ANKFN1: variants seen among roughly 807,000 people sequenced by gnomAD.
The protein encoded by ANKFN1 is ankyrin repeat and fibronectin type-III domain-containing protein 1.
ANKFN1 carries 74 observed loss-of-function variants against 108.7 expected under a neutral mutation model. The observed-to-expected ratio is 0.68, with a 90% confidence interval of 0.56 to 0.83. The LOEUF is 0.83. Among genes scored for constraint, ANKFN1 ranks in the 40% least tolerant of loss-of-function variants. ANKFN1 has a pLI of 0.00. For missense variants in ANKFN1, 1,505 were observed against 1,382.3 expected (o/e 1.09, Z -1.41); for synonymous variants, 547 against 516.2 (o/e 1.06, Z -0.81).
At chr17:56,128,659 C>A (rs904546918) in intron 4 of ANKFN1, among the ~76,000 whole-genome samples, 1 of 152,144 alleles carries the variant, frequency 6.6e-6, no homozygotes, top group African/African-American at 2.4e-5. Flanking sequence ...TGCACTGGGG[C>A]AGTATTTCCC....
chr17:56,482,740 A>C (rs1419410325), intron 18 of ANKFN1: 3 of 428,564 alleles, frequency 7.0e-6, no homozygotes, highest in Non-Finnish European at 1.2e-5. Flanking sequence ...CAAAGGCCCA[A>C]TGGAGAAGAA....
At chr17:56,050,795 C>T (rs544395550) in intron 4 of ANKFN1, among the ~76,000 whole-genome samples, 49 of 152,032 alleles carry the variant, frequency 3.2e-4, no homozygotes, top group African/African-American at 9.4e-4. Flanking sequence ...AACACCTCTA[C>T]GCAAATAAAC....
intron 4 of ANKFN1, among the ~76,000 whole-genome samples, chr17:56,088,030 TGA>T: frequency 6.6e-6 from 1 of 151,384 alleles, no homozygotes; most frequent in Middle Eastern, 3.5e-3. Flanking sequence ...GGCATAGGCA[TGA>T]GAGGTTTTAT....
chr17:56,150,046 A>G (rs1219229281), upstream of ANKFN1, among the ~76,000 whole-genome samples: 2 of 152,054 alleles, frequency 1.3e-5, no homozygotes, highest in African/African-American at 4.8e-5. Context: ...GACATTTTTT[A>G]TGACTCTCTG....
At chr17:56,447,202 G>A (rs915619801) in intron 10 of ANKFN1, among the ~76,000 whole-genome samples, 36 of 152,286 alleles carry the variant, frequency 2.4e-4, no homozygotes, top group African/African-American at 7.9e-4. Context: ...CAGCGTGGGT[G>A]ACAGAGCAAG....
At chr17:56,141,923 CTTTTTTT>C (rs34394014) in intron 4 of ANKFN1, among the ~76,000 whole-genome samples, 1 of 95,654 alleles carries the variant, frequency 1.0e-5, no homozygotes, top group African/African-American at 4.7e-5. Context: ...CGATGGTGTA[CTTTTTTT>C]TTTTTTTTTT....
chr17:56,141,365 G>A (rs1258895881), intron 4 of ANKFN1, among the ~76,000 whole-genome samples: 2 of 152,160 alleles, frequency 1.3e-5, no homozygotes, highest in Non-Finnish European at 2.9e-5. Flanking sequence ...GATTGGGGCA[G>A]CTGGCGATTT....
intron 6 of ANKFN1, among the ~76,000 whole-genome samples, chr17:56,361,168 CT>C (rs1403902320): frequency 6.6e-6 from 1 of 151,670 alleles, no homozygotes; most frequent in East Asian, 1.9e-4. Context: ...TCTTTTTTTT[CT>C]TTTTAAAAAA....
Position 56,511,231 on chromosome 17 carries a change from G to A in ANKFN1, c.3403G>A (p.Ala1135Thr). 5 of 1,532,936 alleles carry A rather than the reference G, an allele frequency of 3.3e-6. No individual in the cohort carries two copies. Among genetic ancestry groups the A allele is most frequent in the Non-Finnish European group, 3.5e-6 (4 of 1,144,798 alleles). 95.0% of individuals were successfully genotyped at this position (1,532,936 alleles called of 1,614,324 possible). A position where few individuals can be genotyped will look rare whatever the true frequency, so the allele number is the denominator to read the frequency against. The change falls in exon 21 of 21, where the codon GCC (alanine) becomes ACC (threonine). Residue 1135 changes from alanine (A) to threonine (T), a missense_variant. Physicochemically the swap from Ala to Thr is moderately conservative, Grantham distance 58 (BLOSUM62 0). Coordinates refer to ENST00000682825, the MANE Select transcript of ANKFN1 (RefSeq NM_001370326.1). ...CGATGTGAGTCAGGAGGGCCCCACC[G>A]CCTCTCCCATGTCAGAAATACTCAG... ...GPDVSQEGPT[A>T]SPMSEILSSM... is the part of the protein sequence containing the mutation.
intron 3 of ANKFN1, chr17:56,258,280 G>T (rs1442582937): frequency 6.6e-6 from 1 of 152,100 alleles, no homozygotes; most frequent in Admixed American, 6.5e-5. Context: ...AGAAATGTTC[G>T]CCCTCTACTC....
At chr17:56,449,387 C>T (rs368634076) in intron 11 of ANKFN1, among the ~76,000 whole-genome samples, 8 of 151,970 alleles carry the variant, frequency 5.3e-5, no homozygotes, top group Non-Finnish European at 1.2e-4. Context: ...CTTCCTTTCC[C>T]TCTCCCTCTC....
At chr17:56,324,927 G>T (rs1253345060) in intron 3 of ANKFN1, among the ~76,000 whole-genome samples, 1 of 152,204 alleles carries the variant, frequency 6.6e-6, no homozygotes, top group East Asian at 1.9e-4. Context: ...CCTGTTGGGG[G>T]TGAGCGAGCT....
chr17:56,069,069 G>A (rs767761412), intron 4 of ANKFN1, among the ~76,000 whole-genome samples: 4 of 152,162 alleles, frequency 2.6e-5, no homozygotes, highest in Non-Finnish European at 5.9e-5. Context: ...GGCACATTAA[G>A]TCATGAGGAA....
chr17:56,179,952 A>G (rs2143619607), intron 1 of ANKFN1, among the ~76,000 whole-genome samples: 1 of 152,304 alleles, frequency 6.6e-6, no homozygotes, highest in South Asian at 2.1e-4. Flanking sequence ...CTCATCTCAT[A>G]GCTTGATGTC....
At chr17:56,072,412 C>G (rs1196026990) in intron 4 of ANKFN1, among the ~76,000 whole-genome samples, 1 of 151,964 alleles carries the variant, frequency 6.6e-6, no homozygotes, top group African/African-American at 2.4e-5. Flanking sequence ...AACACTAGAT[C>G]AAGAAACAAA....
chr17:56,514,983 C>T lies in ANKFN1; in HGVS notation c.*3714C>T, dbSNP rs900355505. 6.6e-6 allele frequency among the ~76,000 whole-genome samples: 1 copy of T among 152,088 alleles called. No homozygotes were observed. The highest frequency in any genetic ancestry group is 2.4e-5 in the African/African-American group (1 of 41,438). On this transcript the variant is annotated 3_prime_UTR_variant, in exon 21 of 21. Coordinates refer to ENST00000682825, the MANE Select transcript of ANKFN1 (RefSeq NM_001370326.1). ...AAGATAACTCTGTTAGACGAGGAGG[C>T]ATCCCAGAAAATACCTGCTTGGCCT... is the stretch of plus-strand genomic sequence containing the variant.
intron 8 of ANKFN1, among the ~76,000 whole-genome samples, chr17:56,425,797 A>C (rs1370013969): frequency 6.6e-6 from 1 of 152,208 alleles, no homozygotes; most frequent in Non-Finnish European, 1.5e-5. Context: ...GCCTGCCTCT[A>C]TCATTACTCT....
At chr17:56,162,929 C>T (rs921209536) in intron 1 of ANKFN1, among the ~76,000 whole-genome samples, 3 of 151,146 alleles carry the variant, frequency 2.0e-5, no homozygotes, top group African/African-American at 4.9e-5. Flanking sequence ...CAGCTACTTA[C>T]GAAGCTGAGG....
chr17:56,314,578 G>A (rs1191713981), intron 3 of ANKFN1, among the ~76,000 whole-genome samples: 1 of 152,108 alleles, frequency 6.6e-6, no homozygotes, highest in Non-Finnish European at 1.5e-5. Context: ...TCTAGCATTT[G>A]CAGGGTGACT....
Sources: gnomAD v4.1 joint callset for allele counts (sites outside exome capture counted in the v4.1 genomes callset) on GRCh38, gnomAD v4.1.1 for gene constraint, MANE v1.5 for transcripts, NCBI Gene and HGNC (gene_info 2026-07-23, HGNC 2026-07-21) for gene names.